SS18: variants seen among roughly 807,000 people sequenced by gnomAD.
SS18 encodes the protein SS18 subunit of BAF chromatin remodeling complex, also known as protein SSXT.
Under a neutral mutation model 72.5 loss-of-function variants are expected in SS18, and 28 were observed. The observed-to-expected ratio is 0.39, with a 90% CI of 0.29 to 0.53. SS18 has a LOEUF of 0.53. Among genes scored for constraint, SS18 ranks in the 20% least tolerant of loss-of-function variants. The pLI, the probability that SS18 is intolerant of heterozygous loss-of-function variation, is 0.76. For missense variants in SS18, 518 were observed against 535.3 expected (o/e 0.97, Z 0.32); for synonymous variants, 172 against 164.2 (o/e 1.05, Z -0.37).
rs559964573 is a variant in SS18, at chr18:26,050,295, G to C, written c.607+2329C>G. 1.5e-4 allele frequency among the ~76,000 whole-genome samples: 22 copies of C among 150,310 alleles called. No individual in the cohort carries two copies. In the South Asian group the frequency reaches 4.6e-3, roughly 32 times the overall value. On this transcript the variant is annotated intron_variant, in intron 5 of 10. Coordinates refer to ENST00000415083, the MANE Select transcript of SS18 (RefSeq NM_001007559.3). ...CCTGGAAGCAATAGACCCTCTAAGA[G>C]AACACAGAGAAAAACATTTTGCAAT...
At chr18:26,048,574 TAAGAG>T (rs1408114563) in intron 5 of SS18, among the ~76,000 whole-genome samples, 6 of 152,212 alleles carry the variant, frequency 3.9e-5, no homozygotes, top group Admixed American at 2.0e-4. Context: ...AAGATAATAA[TAAGAG>T]AAAACAATCT....
chr18:26,080,266 T>TA (rs1234097111), intron 2 of SS18: 2 of 898,556 alleles, frequency 2.2e-6, no homozygotes, highest in Non-Finnish European at 2.7e-6. Flanking sequence ...TGCCATTTTT[T>TA]AAAAAACCAA....
At chr18:26,063,109 T>C (rs536903785) in intron 3 of SS18, among the ~76,000 whole-genome samples, 50 of 152,220 alleles carry the variant, frequency 3.3e-4, no homozygotes, top group Non-Finnish European at 6.9e-4. Context: ...CTGAATCACA[T>C]ACTGGGCCAT....
intron 2 of SS18, chr18:26,082,374 G>C: frequency 1.1e-6 from 1 of 946,220 alleles, no homozygotes; most frequent in South Asian, 4.9e-5. Flanking sequence ...TAGAAGCTAT[G>C]AATATTTATT....
chr18:26,062,965 G>GA (rs1238844990), intron 3 of SS18, among the ~76,000 whole-genome samples: 3 of 151,468 alleles, frequency 2.0e-5, no homozygotes, highest in Non-Finnish European at 2.9e-5. Flanking sequence ...ATGTATAGAA[G>GA]AAAAAAAACC....
Position 26,035,610 on chromosome 18 carries a change from T to TTAGTC in SS18, c.973+216_973+220dup, listed in dbSNP as rs1444528458. 6 of 387,650 alleles carry TTAGTC rather than the reference T, an allele frequency of 1.5e-5. No individual in the cohort carries two copies. The highest frequency in any genetic ancestry group is 2.3e-5 in the Non-Finnish European group (5 of 218,234). The allele number at this position is 387,650 out of a possible 1,614,324, so 24.0% of individuals were successfully genotyped here. A position where few individuals can be genotyped will look rare whatever the true frequency, so the allele number is the denominator to read the frequency against. On this transcript the variant is annotated intron_variant, in intron 8 of 10. Transcript: ENST00000415083. This position sits in a 1 kb window ranked among gnomAD's most constrained non-coding sequence, Gnocchi z 4.4. The stretch of plus-strand genomic sequence containing the variant: ...TGAGGAAAAAATTATCTTTAATGTT[T>TTAGTC]TAGTCTTTTTATTATTGTTAGAAAT...
chr18:26,018,074 AAC>A lies in SS18; in HGVS notation c.*278_*279del. 3.0e-6 allele frequency: 1 copy of A among 335,196 alleles called. No homozygotes were observed. Among genetic ancestry groups the A allele is most frequent in the Non-Finnish European group, 5.5e-6 (1 of 182,604 alleles). 20.8% of individuals were successfully genotyped at this position (335,196 alleles called of 1,614,324 possible). On this transcript the variant is annotated 3_prime_UTR_variant, in exon 11 of 11. Coordinates refer to ENST00000415083, the MANE Select transcript of SS18 (RefSeq NM_001007559.3). ...TTTCAGTCTGTAACAGTCCATTTGA[AAC>A]ACAGTTCCAAAATCATTACAAATTG...
At chr18:26,022,236 G>A (rs1299153517) in intron 10 of SS18, among the ~76,000 whole-genome samples, 3 of 152,084 alleles carry the variant, frequency 2.0e-5, no homozygotes, top group Non-Finnish European at 4.4e-5. Flanking sequence ...TACTGATTAT[G>A]TGCTGTGCTC....
chr18:26,078,034 C>T (rs774349344), intron 3 of SS18, 42 bp downstream of exon 3: 2 of 1,446,252 alleles, frequency 1.4e-6, no homozygotes, highest in Non-Finnish European at 9.6e-7. Flanking sequence ...CCATATGTAA[C>T]TATAAAGATT....
Position 26,032,447 on chromosome 18 carries a change from C to A in SS18, c.1182G>T (p.Gln394His), listed in dbSNP as rs2143837450. ...GCTGGGGTGGCTGTGGTGGTCCAGG[C>A]TGTGTTGGTCTATATCCTCCATACT... is the stretch of plus-strand genomic sequence containing the variant. ...GQQYGGYRPT[Q>H]PGPPQPPQQR... Residue 394 changes from glutamine to histidine, a missense_variant, in exon 10 of 11, where the codon CAG (glutamine) becomes CAT (histidine). Gln to His is a conservative substitution (Grantham distance 24). Coordinates refer to ENST00000415083, the MANE Select transcript of SS18 (RefSeq NM_001007559.3). 1 of 1,613,878 alleles carries A rather than the reference C, an allele frequency of 6.2e-7. No individual in the cohort carries two copies. Among genetic ancestry groups the A allele is most frequent in the East Asian group, 2.2e-5 (1 of 44,874 alleles).
chr18:26,061,114 C>T (rs1046513207), intron 3 of SS18, among the ~76,000 whole-genome samples: 9 of 152,174 alleles, frequency 5.9e-5, no homozygotes, highest in African/African-American at 1.9e-4. Flanking sequence ...GAGATCGAGA[C>T]CATCCTGGCT....
intron 10 of SS18, among the ~76,000 whole-genome samples, chr18:26,028,811 T>C (rs2053495606): frequency 6.6e-6 from 1 of 152,226 alleles, no homozygotes; most frequent in Non-Finnish European, 1.5e-5. Flanking sequence ...GCATGATAGA[T>C]ACCCCATTAC....
chr18:26,037,941 C>T (rs1598546560), intron 7 of SS18, among the ~76,000 whole-genome samples: 1 of 151,812 alleles, frequency 6.6e-6, no homozygotes, highest in East Asian at 1.9e-4. Context: ...CCACTTTCTA[C>T]AAAAAAACAA....
Position 26,041,595 on chromosome 18 carries a change from C to T in SS18, c.608-2139G>A, listed in dbSNP as rs534820900. Among the ~76,000 whole-genome samples, 32 of 152,214 alleles carry T rather than the reference C, an allele frequency of 2.1e-4. No individual in the cohort carries two copies. The South Asian group carries it at 5.6e-3, about 27-fold the overall frequency. ...TTCATAATTTAATAGGTAACCTGATCGGACATTTATGTAATTCATTTTCAG... is the reference window on the plus strand; with the variant it reads ...TTCATAATTTAATAGGTAACCTGATTGGACATTTATGTAATTCATTTTCAG... On this transcript the variant is annotated intron_variant, in intron 5 of 10. Transcript: ENST00000415083.
chr18:26,046,751 A>G (rs1432890090), intron 5 of SS18, among the ~76,000 whole-genome samples: 5 of 152,178 alleles, frequency 3.3e-5, no homozygotes, highest in African/African-American at 1.2e-4. Context: ...GTAAAATCTC[A>G]TATAGGTTTA....
At chr18:26,086,960 T>A (rs895607292) in intron 2 of SS18, among the ~76,000 whole-genome samples, 1 of 152,224 alleles carries the variant, frequency 6.6e-6, no homozygotes, top group Non-Finnish European at 1.5e-5. Context: ...TACAAAAGCT[T>A]GTACACAAAT....
intron 2 of SS18, chr18:26,083,939 T>C (rs1308459403): frequency 6.6e-6 from 1 of 152,162 alleles, no homozygotes; most frequent in East Asian, 1.9e-4. Flanking sequence ...TCATATAAAA[T>C]GCAAAACATA....
At chr18:26,037,841 T>G (rs2053650880) in intron 7 of SS18, among the ~76,000 whole-genome samples, 1 of 152,150 alleles carries the variant, frequency 6.6e-6, no homozygotes, top group South Asian at 2.1e-4. Flanking sequence ...TTGATGAAAC[T>G]GTACTGTGAA....
intron 10 of SS18, among the ~76,000 whole-genome samples, chr18:26,023,886 A>G (rs2053397919): frequency 6.6e-6 from 1 of 151,748 alleles, no homozygotes; most frequent in African/African-American, 2.4e-5. Flanking sequence ...ATTTTTTTAG[A>G]CAAAAATAAA....
Sources: gnomAD v4.1 joint callset for allele counts (sites outside exome capture counted in the v4.1 genomes callset) on GRCh38, gnomAD v4.1.1 for gene constraint, Gnocchi (gnomAD v3.1) non-coding constraint, MANE v1.5 for transcripts, NCBI Gene and HGNC (gene_info 2026-07-23, HGNC 2026-07-21) for gene names.